GNA12: variants seen among roughly 807,000 people sequenced by gnomAD.
GNA12 encodes guanine nucleotide-binding protein subunit alpha-12.
Under a neutral mutation model 26.0 loss-of-function variants are expected in GNA12, and 9 were observed. The observed-to-expected ratio is 0.35, with a 90% CI of 0.21 to 0.60. The LOEUF (loss-of-function observed/expected upper bound fraction) is 0.60, where lower values mean the gene tolerates loss of function less well. Among genes scored for constraint, GNA12 ranks in the 20% least tolerant of loss-of-function variants. The pLI, the probability that GNA12 is intolerant of heterozygous loss-of-function variation, is 0.78. For synonymous variants in GNA12, 264 were observed against 219.6 expected, an observed-to-expected ratio of 1.20 and a Z score of -1.79; for missense variants, 405 against 525.8, an observed-to-expected ratio of 0.77 and a Z score of 2.25.
At chr7:2,825,677 C>T (rs1562447161) in intron 1 of GNA12, among the ~76,000 whole-genome samples, 1 of 152,210 alleles carries the variant, frequency 6.6e-6, no homozygotes, top group East Asian at 1.9e-4. Context: ...AGGAAAGCAG[C>T]CTTATGAAAA....
chr7:2,841,014 T>C (rs572924866), intron 1 of GNA12, among the ~76,000 whole-genome samples: 13 of 152,292 alleles, frequency 8.5e-5, no homozygotes, highest in Admixed American at 3.9e-4. Context: ...ATGAAGTGAG[T>C]TTAATATGGA....
chr7:2,783,427 C>A (rs1390877882), intron 2 of GNA12, among the ~76,000 whole-genome samples: 1 of 152,104 alleles, frequency 6.6e-6, no homozygotes, highest in East Asian at 1.9e-4. Context: ...CTGCTGTCCC[C>A]TCTTTGTGCG....
At chr7:2,780,051 C>CATAGATATATAT (rs1554259630) in intron 2 of GNA12, among the ~76,000 whole-genome samples, 1 of 62,208 alleles carries the variant, frequency 1.6e-5, no homozygotes, top group Non-Finnish European at 3.2e-5. Flanking sequence ...TTTCTGTGTA[C>CATAGATATATAT]ATATATATAT....
intron 1 of GNA12, among the ~76,000 whole-genome samples, chr7:2,824,520 C>G (rs1405258585): frequency 1.3e-5 from 2 of 152,192 alleles, no homozygotes; most frequent in Non-Finnish European, 2.9e-5. Flanking sequence ...TTGTTGCTTT[C>G]TAACATTTCA....
rs979379867 is a variant in GNA12 at position 2,828,890 on chromosome 7, A to G, written c.309+14963T>C. Among the ~76,000 whole-genome samples, 10 of 152,164 alleles carry G rather than the reference A, an allele frequency of 6.6e-5. No homozygotes were observed. In the South Asian group the frequency reaches 2.1e-3, roughly 32 times the overall value. On this transcript the variant is annotated intron_variant, in intron 1 of 3. Coordinates refer to ENST00000275364, the MANE Select transcript of GNA12 (RefSeq NM_007353.3). Reference sequence around the variant, plus strand: ...GGGCAACATGGCAAAATCTACAAAAATCTTAATTTTTCTCTACAAAAATTT... The same window carrying G: ...GGGCAACATGGCAAAATCTACAAAAGTCTTAATTTTTCTCTACAAAAATTT...
At chr7:2,824,521 T>C (rs953518208) in intron 1 of GNA12, among the ~76,000 whole-genome samples, 14 of 152,218 alleles carry the variant, frequency 9.2e-5, no homozygotes, top group African/African-American at 3.4e-4. Context: ...TGTTGCTTTC[T>C]AACATTTCAT....
At chr7:2,743,161 C>T (rs1790595327) in intron 2 of GNA12, among the ~76,000 whole-genome samples, 3 of 152,156 alleles carry the variant, frequency 2.0e-5, no homozygotes. Flanking sequence ...TGCCTAAGAG[C>T]CTGGCTGGCC....
intron 2 of GNA12, among the ~76,000 whole-genome samples, chr7:2,751,355 C>T (rs568717699): frequency 7.3e-6 from 1 of 136,280 alleles, no homozygotes; most frequent in South Asian, 2.4e-4. Context: ...TGCACCACTG[C>T]AATCCAGTAT....
At chr7:2,757,895 A>T (rs866272034) in intron 2 of GNA12, among the ~76,000 whole-genome samples, 3 of 152,194 alleles carry the variant, frequency 2.0e-5, no homozygotes, top group African/African-American at 7.2e-5. Context: ...TTAATAGCTT[A>T]GTGGTTCTCT....
chr7:2,843,867 C>T lies in GNA12; in HGVS notation c.295G>A (p.Asp99Asn). Residue 99 changes from aspartate (D) to asparagine (N), a missense_variant, in exon 1 of 4, where the codon GAC (aspartate) becomes AAC (asparagine). Asp to Asn is a conservative substitution (Grantham distance 23). Transcript: ENST00000275364. Reference protein sequence around the residue: ...ALLEFRDTIFDNILKGSRVLV... With the variant: ...ALLEFRDTIFNNILKGSRVLV... Reference sequence around the variant, plus strand: ...GCGCGCGTCACCTTGAGGATGTTGTCGAAGATGGTGTCGCGGAACTCCAGC... The same window carrying T: ...GCGCGCGTCACCTTGAGGATGTTGTTGAAGATGGTGTCGCGGAACTCCAGC... The T allele has an allele frequency of 2.6e-6, 4 of 1,538,572 alleles. No homozygotes were observed. Among genetic ancestry groups the T allele is most frequent in the Middle Eastern group, 4.7e-4 (2 of 4,278 alleles).
At chr7:2,772,199 C>T (rs545161589) in intron 2 of GNA12, among the ~76,000 whole-genome samples, 2 of 152,280 alleles carry the variant, frequency 1.3e-5, no homozygotes, top group South Asian at 4.1e-4. Context: ...ACCAACAACC[C>T]AACAGGGCAA....
chr7:2,802,418 T>A, intron 1 of GNA12, among the ~76,000 whole-genome samples: 1 of 145,842 alleles, frequency 6.9e-6, no homozygotes, highest in Non-Finnish European at 1.5e-5. Flanking sequence ...TGGGGTTCAA[T>A]TTTGCTGGAT....
At chr7:2,791,118 A>T (rs1026806012) in intron 2 of GNA12, among the ~76,000 whole-genome samples, 1 of 152,220 alleles carries the variant, frequency 6.6e-6, no homozygotes, top group African/African-American at 2.4e-5. Context: ...AAAAATGCTA[A>T]ATTTTATTTT....
At chr7:2,757,128 C>CT (rs1562409543) in intron 2 of GNA12, among the ~76,000 whole-genome samples, 16,547 of 112,386 alleles carry the variant, frequency 0.15, 1,665 homozygotes, top group Non-Finnish European at 0.21. Flanking sequence ...ATCAGGTGGG[C>CT]CTTTTTTTTT....
At chr7:2,832,205 A>C (rs575474502) in intron 1 of GNA12, among the ~76,000 whole-genome samples, 97 of 152,276 alleles carry the variant, frequency 6.4e-4, no homozygotes, top group South Asian at 2.1e-3. Context: ...CCTCTCCTCC[A>C]AGTGACTTTC....
chr7:2,781,344 A>G (rs754111672), intron 2 of GNA12, among the ~76,000 whole-genome samples: 3 of 152,152 alleles, frequency 2.0e-5, no homozygotes, highest in African/African-American at 7.2e-5. Context: ...ACACACACAC[A>G]CACGCACACG....
chr7:2,816,679 G>A (rs1249988482), intron 1 of GNA12, among the ~76,000 whole-genome samples: 1 of 152,188 alleles, frequency 6.6e-6, no homozygotes, highest in African/African-American at 2.4e-5. Flanking sequence ...GGTTTCCTCG[G>A]TGGGAAGGGC....
chr7:2,740,275 C>A (rs1006633511), intron 2 of GNA12, among the ~76,000 whole-genome samples: 1 of 152,122 alleles, frequency 6.6e-6, no homozygotes. Flanking sequence ...TGTGGAAGCC[C>A]TACCTGCAGT....
At chr7:2,800,838 C>A (rs769879515) in intron 1 of GNA12, among the ~76,000 whole-genome samples, 7 of 152,152 alleles carry the variant, frequency 4.6e-5, no homozygotes, top group African/African-American at 9.7e-5. Flanking sequence ...CCGGCTCCCC[C>A]ACTGTGATTC....
Sources: allele counts gnomAD v4.1 joint callset (sites outside exome capture counted in the v4.1 genomes callset), GRCh38; gene constraint gnomAD v4.1.1; transcripts MANE v1.5; gene names NCBI Gene and HGNC (gene_info 2026-07-23, HGNC 2026-07-21).